Variants in KCNIP4 observed in about 807,000 individuals in gnomAD.
The protein encoded by KCNIP4 is Kv channel-interacting protein 4.
A neutral mutation model predicts 34.0 loss-of-function variants in KCNIP4; 12 were observed. That is an observed-to-expected ratio of 0.35 (90% CI 0.23 to 0.57). The LOEUF (loss-of-function observed/expected upper bound fraction) is 0.57, where lower values mean the gene tolerates loss of function less well. KCNIP4 is among the 20% of genes least tolerant of loss of function. The pLI is 0.83. For missense variants in KCNIP4, 238 were observed against 311.7 expected (o/e 0.76, Z 1.78); for synonymous variants, 124 against 102.2 (o/e 1.21, Z -1.29).
At chr4:21,552,895 T>C (rs1433183631) in intron 1 of KCNIP4, among the ~76,000 whole-genome samples, 1 of 152,038 alleles carries the variant, frequency 6.6e-6, no homozygotes, top group African/African-American at 2.4e-5. Flanking sequence ...TGAGTTAAAG[T>C]AGGGTGTAAA....
chr4:21,095,815 G>A (rs534676074), intron 1 of KCNIP4, among the ~76,000 whole-genome samples: 2 of 152,096 alleles, frequency 1.3e-5, no homozygotes, highest in Non-Finnish European at 2.9e-5. Flanking sequence ...TGCAGCAGGT[G>A]TTATTTTTGA....
At chr4:20,787,910 T>G (rs2149400691) in intron 3 of KCNIP4, among the ~76,000 whole-genome samples, 1 of 152,260 alleles carries the variant, frequency 6.6e-6, no homozygotes, top group South Asian at 2.1e-4. Flanking sequence ...CTTATGAAGG[T>G]TTTTAATATC....
At chr4:21,715,839 T>G (rs983979331) in intron 1 of KCNIP4, among the ~76,000 whole-genome samples, 1 of 152,190 alleles carries the variant, frequency 6.6e-6, no homozygotes, top group African/African-American at 2.4e-5. Context: ...CATGATATGG[T>G]TTTCAATCTT....
chr4:21,073,431 A>T (rs1301875759), intron 1 of KCNIP4, among the ~76,000 whole-genome samples: 1 of 152,044 alleles, frequency 6.6e-6, no homozygotes, highest in Non-Finnish European at 1.5e-5. Context: ...TTCACTCATG[A>T]TTTGGCTCTC....
chr4:21,878,066 G>A (rs767441771), intron 1 of KCNIP4, among the ~76,000 whole-genome samples: 3 of 152,048 alleles, frequency 2.0e-5, no homozygotes, highest in Admixed American at 2.0e-4. Context: ...TGTTTGTTTT[G>A]AGATGCAGTC....
chr4:21,071,172 C>T lies in KCNIP4; in HGVS notation c.62-188463G>A, dbSNP rs111336937. ...GATCATGTCTAAGAACTCACAAGTC[C>T]CAGGTCCTGAAGATTTTCTCCCATG... On this transcript the variant is annotated intron_variant, in intron 1 of 8. Transcript: ENST00000382152. Among the ~76,000 whole-genome samples the T allele has an allele frequency of 6.2e-3, 942 of 151,998 alleles. 8 individuals carry two copies. The highest frequency in any genetic ancestry group is 0.022 in the African/African-American group (900 of 41,478).
chr4:21,443,323 A>C (rs1727655808), intron 1 of KCNIP4, among the ~76,000 whole-genome samples: 1 of 152,158 alleles, frequency 6.6e-6, no homozygotes, highest in Non-Finnish European at 1.5e-5. Flanking sequence ...CTCTGTGTGA[A>C]TGTACTTCTC....
intron 1 of KCNIP4, among the ~76,000 whole-genome samples, chr4:21,144,369 T>C (rs1177703664): frequency 1.3e-5 from 2 of 152,206 alleles, no homozygotes; most frequent in African/African-American, 4.8e-5. Context: ...TTAATAGAGA[T>C]ACATTCAGAG....
chr4:21,210,949 A>G (rs1757180172), intron 1 of KCNIP4, among the ~76,000 whole-genome samples: 1 of 152,212 alleles, frequency 6.6e-6, no homozygotes, highest in South Asian at 2.1e-4. Context: ...TAGAATTTTT[A>G]GAAATTAATT....
intron 1 of KCNIP4, among the ~76,000 whole-genome samples, chr4:21,235,453 C>A (rs968296324): frequency 6.6e-6 from 1 of 152,122 alleles, no homozygotes; most frequent in East Asian, 1.9e-4. Flanking sequence ...AGGGATTTTG[C>A]ATCTACTAGG....
chr4:20,818,392 T>G (rs1467617048), intron 3 of KCNIP4, among the ~76,000 whole-genome samples: 1 of 152,182 alleles, frequency 6.6e-6, no homozygotes, highest in Admixed American at 6.5e-5. Context: ...CTGGTAGATA[T>G]CATGAAACTC....
chr4:21,363,079 T>G (rs1194853907), intron 1 of KCNIP4, among the ~76,000 whole-genome samples: 1 of 152,154 alleles, frequency 6.6e-6, no homozygotes, highest in East Asian at 1.9e-4. Context: ...CTTTATCTCC[T>G]TTTTGCAAAT....
chr4:21,221,787 G>A (rs79461160), intron 1 of KCNIP4, among the ~76,000 whole-genome samples: 96 of 152,298 alleles, frequency 6.3e-4, no homozygotes, highest in Admixed American at 1.1e-3. Context: ...GTATTTCAGA[G>A]AGAATGGAAA....
intron 2 of KCNIP4, among the ~76,000 whole-genome samples, chr4:20,876,885 T>C (rs931032083): frequency 6.6e-6 from 1 of 152,168 alleles, no homozygotes; most frequent in Non-Finnish European, 1.5e-5. Flanking sequence ...GAAGAAATCT[T>C]ATAAGAGGAG....
At chr4:21,369,451 G>T (rs1480850063) in intron 1 of KCNIP4, among the ~76,000 whole-genome samples, 1 of 146,950 alleles carries the variant, frequency 6.8e-6, no homozygotes, top group Admixed American at 6.6e-5. Flanking sequence ...ATAGTAGTTG[G>T]CTGGGCATGG....
intron 1 of KCNIP4, among the ~76,000 whole-genome samples, chr4:21,875,581 A>T (rs1350223612): frequency 6.6e-6 from 1 of 152,144 alleles, no homozygotes; most frequent in Non-Finnish European, 1.5e-5. Context: ...TAAGCACTTA[A>T]TAAGTATTAT....
chr4:20,728,711 A>G lies in KCNIP4; in HGVS notation c.*1371T>C, dbSNP rs771858737. ...TGATGGCAAATTTCAGTGTACATGT[A>G]TTGTACTACTCTTAATTTCTACACT... On this transcript the variant is annotated 3_prime_UTR_variant, in exon 9 of 9. Coordinates refer to ENST00000382152, the MANE Select transcript of KCNIP4 (RefSeq NM_025221.6). 6.6e-6 allele frequency: 1 copy of G among 152,602 alleles called. No homozygotes were observed. The highest frequency in any genetic ancestry group is 1.5e-5 in the Non-Finnish European group (1 of 68,030). The allele number at this position is 152,602 out of a possible 1,614,324, so 9.5% of individuals were successfully genotyped here.
intron 1 of KCNIP4, among the ~76,000 whole-genome samples, chr4:21,146,216 G>A (rs1469637974): frequency 6.6e-6 from 1 of 152,078 alleles, no homozygotes; most frequent in Non-Finnish European, 1.5e-5. Flanking sequence ...GGCTAACACA[G>A]TGAAACCCCG....
chr4:21,694,621 C>T (rs7659469), intron 1 of KCNIP4, among the ~76,000 whole-genome samples: 46,378 of 151,758 alleles, frequency 0.31, 9,106 homozygotes, highest in Non-Finnish European at 0.43. Flanking sequence ...TTTTAGAAAT[C>T]AAATTAAATT....
Sources: allele counts gnomAD v4.1 joint callset (sites outside exome capture counted in the v4.1 genomes callset), GRCh38; gene constraint gnomAD v4.1.1; transcripts MANE v1.5; gene names NCBI Gene and HGNC (gene_info 2026-07-23, HGNC 2026-07-21).